ZNF385D: variants seen among roughly 807,000 people sequenced by gnomAD.
The protein encoded by ZNF385D is zinc finger protein 385D.
A neutral mutation model predicts 35.8 loss-of-function variants in ZNF385D; 15 were observed. The ratio of observed to expected loss-of-function variants is 0.42; its 90% CI spans 0.28 to 0.64. ZNF385D has a LOEUF of 0.64. Among genes scored for constraint, ZNF385D ranks in the 30% least tolerant of loss-of-function variants. ZNF385D has a pLI of 0.23. For synonymous variants in ZNF385D, 212 were observed against 186.8 expected (o/e 1.13, Z -1.10); for missense variants, 474 against 494.6 (o/e 0.96, Z 0.39).
At chr3:21,876,095 A>G (rs535184246) in intron 3 of ZNF385D, among the ~76,000 whole-genome samples, 4 of 152,226 alleles carry the variant, frequency 2.6e-5, no homozygotes, top group South Asian at 2.1e-4. Context: ...CACACATAAT[A>G]TAATATTCAG....
chr3:22,341,672 T>C (rs771186440), intron 2 of ZNF385D, among the ~76,000 whole-genome samples: 1 of 152,070 alleles, frequency 6.6e-6, no homozygotes. Context: ...TCAAACAGAG[T>C]TGATAGTCAT....
chr3:21,938,157 G>C (rs1427120190), intron 3 of ZNF385D, among the ~76,000 whole-genome samples: 2 of 152,148 alleles, frequency 1.3e-5, no homozygotes, highest in Non-Finnish European at 2.9e-5. Context: ...ACCAAACTAG[G>C]ATTTGTAAAT....
At chr3:21,778,462 G>T (rs923687431) in intron 3 of ZNF385D, among the ~76,000 whole-genome samples, 1 of 151,842 alleles carries the variant, frequency 6.6e-6, no homozygotes, top group Non-Finnish European at 1.5e-5. Flanking sequence ...TCTCACAGGG[G>T]TAATCTAAAC....
chr3:21,980,370 T>C (rs6786704), intron 3 of ZNF385D, among the ~76,000 whole-genome samples: 26,161 of 152,084 alleles, frequency 0.17, 5,772 homozygotes, highest in African/African-American at 0.52. Context: ...TTGGTTGTTT[T>C]AAGCCACTAA....
At chr3:21,558,330 G>A (rs2062815367) in intron 3 of ZNF385D, among the ~76,000 whole-genome samples, 1 of 145,712 alleles carries the variant, frequency 6.9e-6, no homozygotes, top group Non-Finnish European at 1.6e-5. Context: ...CTTTAAGTGT[G>A]TCCCAGAGAT....
intron 1 of ZNF385D, among the ~76,000 whole-genome samples, chr3:21,738,133 G>A (rs1480312555): frequency 6.6e-6 from 1 of 152,220 alleles, no homozygotes; most frequent in East Asian, 1.9e-4. Context: ...TGTACACTGA[G>A]AGGAGTTTTG....
intron 4 of ZNF385D, among the ~76,000 whole-genome samples, chr3:21,454,860 C>A (rs1043942430): frequency 1.3e-5 from 2 of 152,034 alleles, no homozygotes; most frequent in African/African-American, 4.8e-5. Flanking sequence ...AGCCCAAAAT[C>A]GCCTTAAGCT....
chr3:22,275,616 A>T (rs546370042), intron 2 of ZNF385D, among the ~76,000 whole-genome samples: 1 of 152,154 alleles, frequency 6.6e-6, no homozygotes, highest in Non-Finnish European at 1.5e-5. Flanking sequence ...ATCATATTTC[A>T]ATTTTAGTAA....
intron 2 of ZNF385D, among the ~76,000 whole-genome samples, chr3:22,336,127 G>C (rs552559655): frequency 1.3e-5 from 2 of 152,152 alleles, no homozygotes; most frequent in Non-Finnish European, 2.9e-5. Flanking sequence ...GAGAAACCCA[G>C]TTTGTTTTAT....
At chr3:21,733,610 G>C (rs1365990303) in intron 1 of ZNF385D, among the ~76,000 whole-genome samples, 2 of 152,018 alleles carry the variant, frequency 1.3e-5, no homozygotes, top group Non-Finnish European at 2.9e-5. Context: ...AGTTAAATTT[G>C]TCATTTTTCT....
intron 2 of ZNF385D, among the ~76,000 whole-genome samples, chr3:21,650,928 T>A (rs1438617548): frequency 6.6e-6 from 1 of 152,150 alleles, no homozygotes; most frequent in African/African-American, 2.4e-5. Flanking sequence ...TGTTAGCTTT[T>A]ATTTTTGCCA....
intron 3 of ZNF385D, among the ~76,000 whole-genome samples, chr3:21,858,324 G>T (rs796994639): frequency 6.6e-6 from 1 of 152,030 alleles, no homozygotes; most frequent in South Asian, 2.1e-4. Context: ...CCAAGGAACA[G>T]TTATATGCAC....
chr3:22,066,461 CGTGTGTGTGTGTGT>C (rs10627614), intron 3 of ZNF385D, among the ~76,000 whole-genome samples: 7 of 98,190 alleles, frequency 7.1e-5, no homozygotes, highest in Admixed American at 1.2e-4. Context: ...GATGGTTCCC[CGTGTGTGTGTGTGT>C]GTGTGTGTGT....
At chr3:21,782,293 G>C (rs2071521253) in intron 3 of ZNF385D, among the ~76,000 whole-genome samples, 1 of 152,034 alleles carries the variant, frequency 6.6e-6, no homozygotes. Flanking sequence ...GTCTTCATGA[G>C]GTATCAACAT....
chr3:21,854,046 G>A (rs974792247), intron 3 of ZNF385D, among the ~76,000 whole-genome samples: 1 of 151,812 alleles, frequency 6.6e-6, no homozygotes, highest in African/African-American at 2.4e-5. Flanking sequence ...AAGTAATTCA[G>A]ATGCATATTT....
intron 3 of ZNF385D, among the ~76,000 whole-genome samples, chr3:22,145,747 A>G (rs1410211258): frequency 1.3e-5 from 2 of 152,218 alleles, no homozygotes; most frequent in African/African-American, 2.4e-5. Flanking sequence ...TTCTGTATTT[A>G]TACCAGGAAA....
At chr3:22,186,286 G>A (rs1024956981) in intron 2 of ZNF385D, among the ~76,000 whole-genome samples, 5 of 152,236 alleles carry the variant, frequency 3.3e-5, no homozygotes, top group African/African-American at 1.2e-4. Flanking sequence ...TCCCAGACGA[G>A]CATGAGTTCA....
chr3:21,828,154 T>A (rs992199728), intron 3 of ZNF385D, among the ~76,000 whole-genome samples: 12 of 152,310 alleles, frequency 7.9e-5, no homozygotes, highest in Non-Finnish European at 1.5e-4. Context: ...CCACGCAGAC[T>A]AGGGTTGGTT....
chr3:22,137,627 T>G (rs1004253401), intron 3 of ZNF385D, among the ~76,000 whole-genome samples: 2 of 152,206 alleles, frequency 1.3e-5, no homozygotes, highest in Non-Finnish European at 2.9e-5. Context: ...CAGCCCTTCA[T>G]GCTAAAAGCT....
Sources: allele counts gnomAD v4.1 joint callset (sites outside exome capture counted in the v4.1 genomes callset), GRCh38; gene constraint gnomAD v4.1.1; transcripts MANE v1.5; gene names NCBI Gene and HGNC (gene_info 2026-07-23, HGNC 2026-07-21).